The following NUP98 variants were observed in gnomAD, a reference collection of about 807,000 sequenced individuals.
NUP98 encodes nuclear pore complex protein Nup98-Nup96.
Under a neutral mutation model 191.9 loss-of-function variants are expected in NUP98, and 26 were observed. The ratio of observed to expected loss-of-function variants is 0.14; its 90% CI spans 0.10 to 0.19. NUP98 has a LOEUF of 0.19. Among genes scored for constraint, NUP98 ranks in the 10% least tolerant of loss-of-function variants. NUP98 has a pLI of 1.00. For missense variants in NUP98, 1,941 were observed against 2,178.8 expected (o/e 0.89, Z 2.17); for synonymous variants, 808 against 778.4 (o/e 1.04, Z -0.63).
chr11:3,768,848 T>A, intron 7 of NUP98, 104 bp from the exon 8 acceptor site: 1 of 804,324 alleles, frequency 1.2e-6, no homozygotes, highest in Non-Finnish European at 1.8e-6. Flanking sequence ...ATAGTCTTTA[T>A]GTTATCTACT....
intron 10 of NUP98, chr11:3,760,112 C>CAA (rs67500611): frequency 2.5e-3 from 298 of 121,310 alleles, no homozygotes; most frequent in Middle Eastern, 4.6e-3. Flanking sequence ...TGTTCTCCAC[C>CAA]AAAAAAAAAA....
chr11:3,697,904 C>CT (rs2078563320), intron 25 of NUP98, among the ~76,000 whole-genome samples: 1 of 147,534 alleles, frequency 6.8e-6, no homozygotes. Flanking sequence ...TGAAAGGGAA[C>CT]TTAAAGAAGT....
At chr11:3,779,356 T>C (rs1784051543) in intron 2 of NUP98, 99 bp from the exon 3 acceptor site, 8 of 1,066,060 alleles carry the variant, frequency 7.5e-6, no homozygotes, top group Non-Finnish European at 1.0e-5. Flanking sequence ...AATTCTGCAT[T>C]TGAGGCTGTG....
intron 11 of NUP98, among the ~76,000 whole-genome samples, chr11:3,749,825 A>C (rs1163248361): frequency 1.3e-5 from 2 of 152,206 alleles, no homozygotes; most frequent in East Asian, 1.9e-4. Context: ...ATGTATGAAA[A>C]GACAAAAAAG....
intron 31 of NUP98, among the ~76,000 whole-genome samples, chr11:3,679,056 G>GC: frequency 6.7e-6 from 1 of 148,180 alleles, no homozygotes; most frequent in Non-Finnish European, 1.5e-5. Context: ...CTGGGAGGCA[G>GC]AGGTTGCAGT....
chr11:3,678,403 G>A (rs937762899), intron 31 of NUP98, among the ~76,000 whole-genome samples: 1 of 152,130 alleles, frequency 6.6e-6, no homozygotes, highest in African/African-American at 2.4e-5. Context: ...GCCTGTAACC[G>A]TAAAAGACCT....
At chr11:3,741,833 T>C (rs1416337619) in intron 12 of NUP98, among the ~76,000 whole-genome samples, 1 of 152,214 alleles carries the variant, frequency 6.6e-6, no homozygotes, top group Non-Finnish European at 1.5e-5. Flanking sequence ...TAATGGTTAC[T>C]GCAAGAAGGA....
intron 10 of NUP98, among the ~76,000 whole-genome samples, chr11:3,755,764 A>C (rs894741153): frequency 2.0e-5 from 3 of 152,208 alleles, no homozygotes; most frequent in Non-Finnish European, 4.4e-5. Flanking sequence ...GGTGTTCAAG[A>C]CCAGCCTGGC....
At chr11:3,717,857 C>T (rs2134197131) in intron 18 of NUP98, among the ~76,000 whole-genome samples, 1 of 152,158 alleles carries the variant, frequency 6.6e-6, no homozygotes, top group South Asian at 2.1e-4. Flanking sequence ...TGGTATATTC[C>T]TTTATCTTGT....
chr11:3,705,103 T>G, intron 22 of NUP98, 97 bp downstream of exon 22: 1 of 1,126,754 alleles, frequency 8.9e-7, no homozygotes, highest in Middle Eastern at 2.0e-4. Context: ...GGCAGATACT[T>G]GCTAGAGAAG....
At position 3,768,742 on chromosome 11, in the gene NUP98, T is replaced by G; in HGVS notation, c.787A>C (p.Thr263Pro). Residue 263 changes from threonine to proline, a missense_variant and splice_region_variant, in exon 8 of 33, where the codon ACA (threonine) becomes CCA (proline). By Grantham distance (38) the Thr-to-Pro change is conservative (BLOSUM62 -1). Transcript: ENST00000324932. ...CCTGGATTTGTTCCAAATCCAGTTGTACCTTTTAGGAAAAAGAAAAAAAAA... is the reference window on the plus strand; with the variant it reads ...CCTGGATTTGTTCCAAATCCAGTTGGACCTTTTAGGAAAAAGAAAAAAAAA... ...GQNKTAFGTS[T>P]TGFGTNPGGL... The G allele has an allele frequency of 6.5e-7, 1 of 1,537,928 alleles. No homozygotes were observed. The highest frequency in any genetic ancestry group is 8.7e-7 in the Non-Finnish European group (1 of 1,145,916).
intron 6 of NUP98, among the ~76,000 whole-genome samples, chr11:3,772,697 C>T (rs2081569113): frequency 6.6e-6 from 1 of 152,032 alleles, no homozygotes; most frequent in South Asian, 2.1e-4. Flanking sequence ...CAGCTGCAAT[C>T]CCAGCTACTC....
chr11:3,718,540 GAAGAAAGAAAGAA>G (rs1368660258), intron 18 of NUP98, among the ~76,000 whole-genome samples: 15 of 151,132 alleles, frequency 9.9e-5, no homozygotes, highest in Non-Finnish European at 1.5e-4. Context: ...TGTCTCAAAA[GAAGAAAGAAAGAA>G]AAGAAAGAAA....
intron 13 of NUP98, among the ~76,000 whole-genome samples, 179 bp from the exon 14 acceptor site, chr11:3,731,757 T>A (rs1353645413): frequency 6.6e-6 from 1 of 152,208 alleles, no homozygotes; most frequent in Admixed American, 6.5e-5. Flanking sequence ...ATGTTGAGTA[T>A]CCCTCATCCA....
At chr11:3,773,574 G>A (rs2081604528) in intron 6 of NUP98, 58 bp downstream of exon 6, 4 of 1,080,748 alleles carry the variant, frequency 3.7e-6, no homozygotes, top group Non-Finnish European at 5.4e-6. Flanking sequence ...ATTTTTAAAA[G>A]CTGCATTCCA....
At chr11:3,794,413 C>T (rs1352853923) in intron 1 of NUP98, among the ~76,000 whole-genome samples, 2 of 152,068 alleles carry the variant, frequency 1.3e-5, no homozygotes, top group East Asian at 1.9e-4. Context: ...CTCCGCCTCC[C>T]GAGTTCAAGC....
At chr11:3,757,891 G>A (rs972221933) in intron 10 of NUP98, among the ~76,000 whole-genome samples, 4 of 152,170 alleles carry the variant, frequency 2.6e-5, no homozygotes, top group Admixed American at 1.3e-4. Flanking sequence ...TTCAAAGGGA[G>A]TGGAAATTGG....
chr11:3,739,432 A>T (rs2134339349), intron 12 of NUP98, among the ~76,000 whole-genome samples: 1 of 152,230 alleles, frequency 6.6e-6, no homozygotes. Flanking sequence ...TATTTTTAGT[A>T]GAGACGGGGT....
intron 12 of NUP98, among the ~76,000 whole-genome samples, chr11:3,736,234 T>C (rs994628321): frequency 1.3e-5 from 2 of 152,224 alleles, no homozygotes; most frequent in Non-Finnish European, 2.9e-5. Context: ...GCCTGGCCTC[T>C]ATTTTTTAAC....
Sources: allele counts gnomAD v4.1 joint callset (sites outside exome capture counted in the v4.1 genomes callset), GRCh38; gene constraint gnomAD v4.1.1; transcripts MANE v1.5; gene names NCBI Gene and HGNC (gene_info 2026-07-23, HGNC 2026-07-21).